Variants in PCDHA9 observed in about 807,000 individuals in gnomAD.
PCDHA9 encodes protocadherin alpha 9.
A neutral mutation model predicts 62.0 loss-of-function variants in PCDHA9; 62 were observed. The ratio of observed to expected loss-of-function variants is 1.00; its 90% CI spans 0.81 to 1.23. PCDHA9 has a LOEUF of 1.23. PCDHA9 is among the 50% of genes most tolerant of loss of function. The pLI is 0.00. For missense variants in PCDHA9, 1,205 were observed against 1,249.8 expected, an observed-to-expected ratio of 0.96 and a Z score of 0.54; for synonymous variants, 557 against 567.6, an observed-to-expected ratio of 0.98 and a Z score of 0.27.
chr5:140,877,563 C>G (rs2057203422), intron 1 of PCDHA9: 2 of 1,613,774 alleles, frequency 1.2e-6, no homozygotes, highest in African/African-American at 1.3e-5. Context: ...TGGATATTAA[C>G]GTGTACCTCA....
chr5:140,870,209 C>T (rs1174096449), intron 1 of PCDHA9: 3 of 1,614,176 alleles, frequency 1.9e-6, no homozygotes, highest in East Asian at 4.5e-5. Context: ...ACGGTCATTG[C>T]CCTGATCAGC....
intron 1 of PCDHA9, chr5:140,877,987 C>T: frequency 3.5e-6 from 4 of 1,151,316 alleles, no homozygotes; most frequent in Non-Finnish European, 4.6e-6. Context: ...TCATTTTGAA[C>T]TTTTATGTAT....
chr5:140,979,074 C>T, intron 2 of PCDHA9, 67 bp downstream of exon 2: 4 of 1,583,968 alleles, frequency 2.5e-6, no homozygotes, highest in Non-Finnish European at 2.6e-6. Context: ...TAAACTGCAT[C>T]TCCATAGGCC....
chr5:140,876,829 C>T (rs782699472), intron 1 of PCDHA9: 2 of 1,614,196 alleles, frequency 1.2e-6, no homozygotes, highest in Non-Finnish European at 1.7e-6. Context: ...CGACAATGCG[C>T]CTGCGTTCGC....
At chr5:140,954,406 G>A (rs556455987) in intron 1 of PCDHA9, among the ~76,000 whole-genome samples, 2 of 152,268 alleles carry the variant, frequency 1.3e-5, no homozygotes, top group East Asian at 3.9e-4. Flanking sequence ...CACCAACAGG[G>A]TAAAGGTGTT....
chr5:140,875,143 G>A (rs2055292608), intron 1 of PCDHA9, among the ~76,000 whole-genome samples: 1 of 152,174 alleles, frequency 6.6e-6, no homozygotes, highest in Non-Finnish European at 1.5e-5. Context: ...ATTTATAAAT[G>A]ATCCGTGAAA....
intron 1 of PCDHA9, among the ~76,000 whole-genome samples, chr5:140,910,377 C>T (rs1053075333): frequency 6.6e-6 from 1 of 152,244 alleles, no homozygotes; most frequent in East Asian, 1.9e-4. Flanking sequence ...GCCCACCTTG[C>T]CTTTGACAGT....
intron 1 of PCDHA9, chr5:140,869,167 G>T (rs782094054): frequency 1.2e-6 from 2 of 1,613,864 alleles, no homozygotes; most frequent in East Asian, 4.5e-5. Flanking sequence ...TCTCCTCCTC[G>T]AATTCTGGGA....
chr5:140,966,373 T>G (rs1554228235), intron 1 of PCDHA9: 1 of 404,624 alleles, frequency 2.5e-6, no homozygotes, highest in African/African-American at 2.1e-5. Flanking sequence ...GGCTGAGCAG[T>G]CCGGGTTCGC....
At chr5:140,940,390 T>C (rs2092601477) in intron 1 of PCDHA9, among the ~76,000 whole-genome samples, 1 of 152,194 alleles carries the variant, frequency 6.6e-6, no homozygotes. Flanking sequence ...ATTTTGGTTA[T>C]TGTGTTTTTC....
In PCDHA9 at chr5:140,851,110, A is replaced by G. The variant is rs2041963644; in HGVS notation, c.2394+221A>G. On this transcript the variant is annotated intron_variant, in intron 1 of 3. Transcript: ENST00000532602. ...TAAATAGATATTTTTTGGGTGCTGA[A>G]TCAATTTTATTTAAATTTGTGATTA... 1.5e-6 allele frequency: 2 copies of G among 1,302,324 alleles called. 1 individual carries two copies. The highest frequency in any genetic ancestry group is 2.0e-6 in the Non-Finnish European group (2 of 1,004,926). 80.7% of individuals were successfully genotyped at this position (1,302,324 alleles called of 1,614,324 possible). A position where few individuals can be genotyped will look rare whatever the true frequency, so the allele number is the denominator to read the frequency against.
intron 3 of PCDHA9, 111 bp downstream of exon 3, chr5:140,982,674 A>G (rs1399250735): frequency 3.4e-6 from 5 of 1,450,700 alleles, no homozygotes; most frequent in Admixed American, 2.7e-5. Context: ...TATTTTTGTT[A>G]TTCCCTTTTT....
chr5:140,898,505 T>A (rs1367691811), intron 1 of PCDHA9, among the ~76,000 whole-genome samples: 1 of 152,202 alleles, frequency 6.6e-6, no homozygotes, highest in East Asian at 1.9e-4. Flanking sequence ...GTTGTAGATA[T>A]GCGGCGTTAT....
At chr5:140,946,631 T>TATATGTATATAC (rs57893927) in intron 1 of PCDHA9, among the ~76,000 whole-genome samples, 2 of 131,846 alleles carry the variant, frequency 1.5e-5, no homozygotes, top group Non-Finnish European at 3.1e-5. Flanking sequence ...TATATATATA[T>TATATGTATATAC]ACAATGGAAT....
At chr5:140,883,165 T>C in intron 1 of PCDHA9, 1 of 1,613,752 alleles carries the variant, frequency 6.2e-7, no homozygotes, top group Non-Finnish European at 8.5e-7. Context: ...ATCCGAACAA[T>C]GGAGAAATTA....
intron 1 of PCDHA9, among the ~76,000 whole-genome samples, chr5:140,922,430 A>C (rs574413053): frequency 6.6e-6 from 1 of 152,364 alleles, no homozygotes; most frequent in East Asian, 1.9e-4. Flanking sequence ...GGCTGAGGGC[A>C]GAACTCTCTC....
intron 1 of PCDHA9, chr5:140,855,925 C>G (rs1161071214): frequency 2.4e-6 from 3 of 1,240,504 alleles, no homozygotes; most frequent in Non-Finnish European, 3.4e-6. Flanking sequence ...TAGGAAGTAG[C>G]GTCATTCTGA....
intron 1 of PCDHA9, among the ~76,000 whole-genome samples, chr5:140,935,798 G>T (rs1302798386): frequency 6.6e-6 from 1 of 151,552 alleles, no homozygotes; most frequent in Non-Finnish European, 1.5e-5. Context: ...ATATAAACGA[G>T]ATTATTTCAT....
intron 2 of PCDHA9, 36 bp downstream of exon 2, chr5:140,979,043 C>G: frequency 6.2e-7 from 1 of 1,612,500 alleles, no homozygotes. Context: ...CAGAAGTAAC[C>G]TTAACTTGGT....
Sources: gnomAD v4.1 joint callset for allele counts (sites outside exome capture counted in the v4.1 genomes callset) on GRCh38, gnomAD v4.1.1 for gene constraint, MANE v1.5 for transcripts, NCBI Gene and HGNC (gene_info 2026-07-23, HGNC 2026-07-21) for gene names.